The following CARF variants were observed in gnomAD, a reference collection of about 807,000 sequenced individuals.
The protein encoded by CARF is calcium responsive transcription factor.
A neutral mutation model predicts 82.0 loss-of-function variants in CARF; 57 were observed. That is an observed-to-expected ratio of 0.70 (90% CI 0.56 to 0.87). The LOEUF (loss-of-function observed/expected upper bound fraction) is 0.87. CARF is among the 40% of genes least tolerant of loss of function. CARF has a pLI of 0.00. For missense variants in CARF, 771 were observed against 855.8 expected (o/e 0.90, Z 1.24); for synonymous variants, 268 against 290.1 (o/e 0.92, Z 0.77).
At chr2:202,915,339 A>C (rs995933694) in intron 1 of CARF, among the ~76,000 whole-genome samples, 2 of 151,912 alleles carry the variant, frequency 1.3e-5, no homozygotes, top group African/African-American at 4.8e-5. Context: ...TCTGTTGCCC[A>C]GGCTGGAATG....
At chr2:202,973,031 T>C (rs563965976) in intron 12 of CARF, among the ~76,000 whole-genome samples, 1 of 152,250 alleles carries the variant, frequency 6.6e-6, no homozygotes, top group South Asian at 2.1e-4. Flanking sequence ...CCCAAGAAGA[T>C]GGGATTGCAG....
At chr2:202,977,233 G>C in intron 13 of CARF, 36 bp from the exon 14 acceptor site, 1 of 1,475,398 alleles carries the variant, frequency 6.8e-7, no homozygotes, top group South Asian at 1.2e-5. Flanking sequence ...CAATATAAGA[G>C]CTTTATTTTT....
chr2:202,939,095 G>T (rs2058091537), intron 3 of CARF, among the ~76,000 whole-genome samples: 1 of 151,978 alleles, frequency 6.6e-6, no homozygotes, highest in Admixed American at 6.6e-5. Flanking sequence ...TTAGAATGTT[G>T]CACGTTCACT....
intron 9 of CARF, 85 bp from the exon 10 acceptor site, chr2:202,966,893 A>G (rs2059575400): frequency 1.5e-6 from 2 of 1,338,898 alleles, no homozygotes; most frequent in Admixed American, 2.3e-5. Flanking sequence ...AGATTTTGAC[A>G]TTGCCACCAC....
intron 5 of CARF, among the ~76,000 whole-genome samples, chr2:202,948,026 T>C (rs2058579665): frequency 6.6e-6 from 1 of 152,226 alleles, no homozygotes; most frequent in Non-Finnish European, 1.5e-5. Flanking sequence ...AGTTTATTTT[T>C]GTATATGGTG....
intron 3 of CARF, among the ~76,000 whole-genome samples, chr2:202,930,640 A>G (rs1692714629): frequency 6.6e-6 from 1 of 152,050 alleles, no homozygotes; most frequent in Non-Finnish European, 1.5e-5. Context: ...TCATTGAATT[A>G]TCTATTTGTA....
intron 16 of CARF, among the ~76,000 whole-genome samples, chr2:202,983,195 A>C (rs1252291606): frequency 6.6e-6 from 1 of 152,122 alleles, no homozygotes; most frequent in East Asian, 1.9e-4. Flanking sequence ...TGGAATTACA[A>C]AATAAATGTT....
chr2:202,943,587 TAC>T (rs754214990), intron 5 of CARF, among the ~76,000 whole-genome samples: 5,346 of 115,080 alleles, frequency 0.046, 314 homozygotes, highest in African/African-American at 0.15. Flanking sequence ...TAATGGAATG[TAC>T]ACACACACAC....
intron 16 of CARF, among the ~76,000 whole-genome samples, chr2:202,982,727 G>T (rs1342053635): frequency 6.6e-6 from 1 of 151,904 alleles, no homozygotes; most frequent in Admixed American, 6.6e-5. Context: ...AACCAGGAAG[G>T]TCATTTTAGA....
Position 202,974,454 on chromosome 2 carries a change from A to C in CARF, c.1452A>C (p.Arg484Ser), listed in dbSNP as rs2059942946. 1.9e-6 allele frequency: 3 copies of C among 1,607,292 alleles called. No individual in the cohort carries two copies. In the Middle Eastern group the frequency reaches 5.0e-4, roughly 266 times the overall value. Residue 484 changes from arginine to serine, a missense_variant, in exon 13 of 17, where the codon AGA (arginine) becomes AGC (serine). Coordinates refer to ENST00000438828, the MANE Select transcript of CARF (RefSeq NM_024744.17). ...TCCATGAGGTACAGAAATCCTTGAG[A>C]AATGGAGATACGGTATATAACTCAG... Reference protein sequence around the residue: ...NHIHEVQKSLRNGDTVYNSEI... With the variant: ...NHIHEVQKSLSNGDTVYNSEI...
intron 6 of CARF, among the ~76,000 whole-genome samples, chr2:202,953,501 T>G (rs547604940): frequency 2.8e-5 from 4 of 140,948 alleles, no homozygotes; most frequent in African/African-American, 1.0e-4. Context: ...TTTTGTTGTT[T>G]TTTTTTTTTT....
intron 5 of CARF, among the ~76,000 whole-genome samples, chr2:202,947,911 G>A (rs902056750): frequency 2.0e-5 from 3 of 152,092 alleles, no homozygotes; most frequent in Non-Finnish European, 4.4e-5. Flanking sequence ...TAGTGTCTTT[G>A]TCATGAAATC....
At chr2:202,933,292 A>G (rs1036909184) in intron 3 of CARF, among the ~76,000 whole-genome samples, 1 of 152,110 alleles carries the variant, frequency 6.6e-6, no homozygotes, top group Admixed American at 6.5e-5. Context: ...AACTGTGGCT[A>G]CTCAGCCCCA....
chr2:202,961,314 A>G lies in CARF; in HGVS notation c.720A>G (p.Gln240=). ...LESVLTFHKQ[Q]TQSVWGTRQS... is the part of the protein sequence containing the mutation. ...GTGTCCTAACATTTCACAAGCAGCAAACACAGAGTGTTTGGGGGACCCGTC... is the reference window on the plus strand; with the variant it reads ...GTGTCCTAACATTTCACAAGCAGCAGACACAGAGTGTTTGGGGGACCCGTC... Residue 240 remains glutamine (Q), a synonymous_variant, in exon 9 of 17, where the codon CAA becomes CAG. Transcript: ENST00000438828. The G allele has an allele frequency of 6.2e-7, 1 of 1,614,244 alleles. No individual in the cohort carries two copies. The highest frequency in any genetic ancestry group is 8.5e-7 in the Non-Finnish European group (1 of 1,180,046).
intron 14 of CARF, among the ~76,000 whole-genome samples, chr2:202,978,647 G>T (rs1439404192): frequency 6.6e-6 from 1 of 152,186 alleles, no homozygotes; most frequent in Non-Finnish European, 1.5e-5. Context: ...TAGTGAATTG[G>T]TATTAGTAGA....
intron 3 of CARF, among the ~76,000 whole-genome samples, chr2:202,935,262 A>C (rs1358482977): frequency 1.4e-5 from 2 of 144,830 alleles, no homozygotes; most frequent in Non-Finnish European, 3.0e-5. Flanking sequence ...TTATATATTT[A>C]TATATTAGAA....
intron 3 of CARF, among the ~76,000 whole-genome samples, chr2:202,926,979 A>G (rs756369798): frequency 1.4e-4 from 21 of 152,104 alleles, no homozygotes; most frequent in Middle Eastern, 3.4e-3. Flanking sequence ...ATGCCCAGCT[A>G]ATTTTTATAT....
At chr2:202,958,391 C>A (rs2059151588) in intron 8 of CARF, among the ~76,000 whole-genome samples, 1 of 151,746 alleles carries the variant, frequency 6.6e-6, no homozygotes, top group Admixed American at 6.6e-5. Context: ...TATTACAAGC[C>A]TCATGGAATG....
At chr2:202,915,928 A>G (rs1294034880) in intron 1 of CARF, among the ~76,000 whole-genome samples, 64 of 152,156 alleles carry the variant, frequency 4.2e-4, no homozygotes, top group Admixed American at 4.2e-3. Context: ...AAATTAATAT[A>G]GGTTATTGTT....
Sources: allele counts gnomAD v4.1 joint callset (sites outside exome capture counted in the v4.1 genomes callset), GRCh38; gene constraint gnomAD v4.1.1; transcripts MANE v1.5; gene names NCBI Gene and HGNC (gene_info 2026-07-23, HGNC 2026-07-21).